Variants in SLC7A11 observed in about 807,000 individuals in gnomAD.
SLC7A11 encodes the protein cystine/glutamate transporter.
SLC7A11 carries 35 observed loss-of-function variants against 54.5 expected under a neutral mutation model. The observed-to-expected ratio is 0.64, with a 90% CI of 0.49 to 0.85. The LOEUF is 0.85. Ranked by LOEUF, SLC7A11 falls within the 40% of genes least tolerant of loss-of-function variation. The probability of loss-of-function intolerance (pLI) is 0.00; values close to 1 mark genes in which losing one functional copy is unlikely to be tolerated. For missense variants in SLC7A11, 583 were observed against 618.1 expected (o/e 0.94, Z 0.60); for synonymous variants, 230 against 225.2 (o/e 1.02, Z -0.19).
At chr4:138,234,905 G>A (rs570932729) in intron 2 of SLC7A11, among the ~76,000 whole-genome samples, 114 of 152,248 alleles carry the variant, frequency 7.5e-4, no homozygotes, top group African/African-American at 2.6e-3. Context: ...TGCTGAGTAT[G>A]TTGTACACAA....
chr4:138,241,887 T>C lies in SLC7A11; in HGVS notation c.183A>G (p.Gly61=), dbSNP rs777525880. ...SIIIGTIIGA[G]IFISPKGVLQ... ...GCACGCCCTTAGGAGAGATGAAGAT[T>C]CCTGCTCCAATGATGGTGCCAATGA... Residue 61 remains glycine (G), a synonymous_variant, in exon 1 of 12, where the codon GGA becomes GGG. Transcript: ENST00000280612. 4 of 1,614,036 alleles carry C rather than the reference T, an allele frequency of 2.5e-6. No homozygotes were observed. Among genetic ancestry groups the C allele is most frequent in the Non-Finnish European group, 3.4e-6 (4 of 1,179,964 alleles).
chr4:138,204,705 G>A (rs931093809), intron 6 of SLC7A11, among the ~76,000 whole-genome samples: 2 of 149,642 alleles, frequency 1.3e-5, no homozygotes, highest in Non-Finnish European at 3.0e-5. Flanking sequence ...ATAGGGGTGT[G>A]AGCATACAAA....
chr4:138,204,023 T>G (rs1253002740), intron 6 of SLC7A11, among the ~76,000 whole-genome samples: 1 of 152,116 alleles, frequency 6.6e-6, no homozygotes, highest in African/African-American at 2.4e-5. Flanking sequence ...GCTGTATGTA[T>G]GCTCACCCGC....
In SLC7A11 at chr4:138,166,766, G is replaced by GT; in HGVS notation, c.*5189dup. The GT allele has an allele frequency of 6.6e-6, 1 of 152,300 alleles. No homozygotes were observed. The highest frequency in any genetic ancestry group is 2.4e-5 in the African/African-American group (1 of 41,520). 9.4% of individuals were successfully genotyped at this position (152,300 alleles called of 1,614,324 possible). On this transcript the variant is annotated 3_prime_UTR_variant, in exon 12 of 12. Transcript: ENST00000280612. ...TTAGGACACTGTAACCGTCCTCTGT[G>GT]TATTTTAAGGCCAATAGTAACAGAG...
chr4:138,182,771 C>A (rs1736779392), intron 8 of SLC7A11, among the ~76,000 whole-genome samples: 1 of 152,042 alleles, frequency 6.6e-6, no homozygotes, highest in Non-Finnish European at 1.5e-5. Flanking sequence ...CTATATGTAG[C>A]ATTCACATTT....
rs768381469 is a variant in SLC7A11, at chr4:138,183,268, G to A, written c.953C>T (p.Ala318Val). 3 of 1,611,926 alleles carry A rather than the reference G, an allele frequency of 1.9e-6. No homozygotes were observed. In the South Asian group the frequency reaches 3.3e-5, roughly 18 times the overall value. Reference protein sequence around the residue: ...SERLLGNFSLAVPIFVALSCF... With the variant: ...SERLLGNFSLVVPIFVALSCF... ...GGAGAGGGCAACAAAGATCGGAACT[G>A]CTAATGAGAAATTTCCCAGTAGCCG... Residue 318 changes from alanine (A) to valine (V), a missense_variant, in exon 8 of 12, where the codon GCA becomes GTA. Transcript: ENST00000280612.
At chr4:138,239,126 T>A (rs929611765) in intron 1 of SLC7A11, among the ~76,000 whole-genome samples, 2 of 152,186 alleles carry the variant, frequency 1.3e-5, no homozygotes, top group African/African-American at 4.8e-5. Context: ...TGGGGAAACA[T>A]TCGCCATGTT....
At position 138,164,571 on chromosome 4, in the gene SLC7A11, C is replaced by G. The variant is rs1446903105; in HGVS notation, c.*7385G>C. On this transcript the variant is annotated 3_prime_UTR_variant, in exon 12 of 12. Coordinates refer to ENST00000280612, the MANE Select transcript of SLC7A11 (RefSeq NM_014331.4). ...ATCTTCATAGATAAATATCTTAGTT[C>G]TAATATGATTGGAATGTGGATGCAG... 6.6e-6 allele frequency: 1 copy of G among 151,840 alleles called. No individual in the cohort carries two copies. The highest frequency in any genetic ancestry group is 1.5e-5 in the Non-Finnish European group (1 of 67,988). The allele number at this position is 151,840 out of a possible 1,614,324, so 9.4% of individuals were successfully genotyped here. A position where few individuals can be genotyped will look rare whatever the true frequency, so the allele number is the denominator to read the frequency against.
chr4:138,197,045 G>C (rs187560327), intron 6 of SLC7A11, among the ~76,000 whole-genome samples: 1 of 152,210 alleles, frequency 6.6e-6, no homozygotes, highest in East Asian at 1.9e-4. Flanking sequence ...CAGATACTTG[G>C]TTCAAAAAGA....
intron 1 of SLC7A11, among the ~76,000 whole-genome samples, chr4:138,238,882 C>T (rs1044915451): frequency 2.6e-5 from 4 of 152,278 alleles, no homozygotes; most frequent in Admixed American, 2.0e-4. Context: ...AGATTATAGG[C>T]ATGAGCCACC....
intron 2 of SLC7A11, 92 bp downstream of exon 2, chr4:138,236,233 C>CATGCATGTCATGTGACTACATGAT: frequency 1.0e-6 from 1 of 999,278 alleles, no homozygotes; most frequent in Non-Finnish European, 1.5e-6. Context: ...AGTCACATGA[C>CATGCATGTCATGTGACTACATGAT]ATGCATGTGT....
At chr4:138,233,524 TC>T (rs1427082427) in intron 2 of SLC7A11, among the ~76,000 whole-genome samples, 2 of 152,056 alleles carry the variant, frequency 1.3e-5, no homozygotes, top group Non-Finnish European at 1.5e-5. Flanking sequence ...CTTTTTAGCT[TC>T]TCTTTCTTCT....
intron 3 of SLC7A11, among the ~76,000 whole-genome samples, chr4:138,231,564 A>C (rs1230791347): frequency 6.6e-6 from 1 of 152,172 alleles, no homozygotes; most frequent in Non-Finnish European, 1.5e-5. Flanking sequence ...ACCTAGAATT[A>C]AGTTATCCTT....
chr4:138,183,319 G>A lies in SLC7A11; in HGVS notation c.916-14C>T. The A allele has an allele frequency of 6.4e-7, 1 of 1,571,092 alleles. No homozygotes were observed. The stretch of plus-strand genomic sequence containing the variant: ...CTCAGAAAAGGTCTAGTGAAAGAAA[G>A]AACGAAGCAAATTAATGCCTTGCCA... On this transcript the variant is annotated splice_polypyrimidine_tract_variant and intron_variant, in intron 7 of 11. Coordinates refer to ENST00000280612, the MANE Select transcript of SLC7A11 (RefSeq NM_014331.4).
chr4:138,236,202 A>G (rs1738201772), intron 2 of SLC7A11, 123 bp downstream of exon 2: 1 of 742,444 alleles, frequency 1.3e-6, no homozygotes, highest in African/African-American at 1.8e-5. Flanking sequence ...TTATATCCTG[A>G]GGTAGACATG....
chr4:138,188,400 G>T (rs1158841820), intron 6 of SLC7A11, among the ~76,000 whole-genome samples: 2 of 152,138 alleles, frequency 1.3e-5, no homozygotes, highest in Non-Finnish European at 2.9e-5. Context: ...AAGTTGGTTG[G>T]GGTATGGCAA....
intron 7 of SLC7A11, 81 bp downstream of exon 7, chr4:138,185,040 T>A: frequency 6.7e-7 from 1 of 1,495,646 alleles, no homozygotes; most frequent in Non-Finnish European, 9.3e-7. Flanking sequence ...TCAAAACACT[T>A]TCTGCTAGAG....
At chr4:138,200,243 AAAG>A (rs1737245374) in intron 6 of SLC7A11, among the ~76,000 whole-genome samples, 1 of 152,170 alleles carries the variant, frequency 6.6e-6, no homozygotes, top group Non-Finnish European at 1.5e-5. Context: ...GTGTATCTGT[AAAG>A]ATGTTAAAGA....
At chr4:138,192,470 T>G (rs1385631015) in intron 6 of SLC7A11, among the ~76,000 whole-genome samples, 2 of 152,156 alleles carry the variant, frequency 1.3e-5, no homozygotes, top group Non-Finnish European at 2.9e-5. Flanking sequence ...TGTTATATAA[T>G]TTTTAAAAAT....
Sources: allele counts gnomAD v4.1 joint callset (sites outside exome capture counted in the v4.1 genomes callset), GRCh38; gene constraint gnomAD v4.1.1; transcripts MANE v1.5; gene names NCBI Gene and HGNC (gene_info 2026-07-23, HGNC 2026-07-21).